NAA50: variants seen among roughly 807,000 people sequenced by gnomAD.
NAA50 encodes N-alpha-acetyltransferase 50.
A neutral mutation model predicts 20.7 loss-of-function variants in NAA50; 7 were observed. The observed-to-expected ratio is 0.34, with a 90% confidence interval of 0.19 to 0.63. NAA50 has a LOEUF of 0.63. NAA50 is among the 30% of genes least tolerant of loss of function. The pLI is 0.75. For synonymous variants in NAA50, 54 were observed against 70.6 expected (o/e 0.77, Z 1.18); for missense variants, 111 against 199.1 (o/e 0.56, Z 2.66).
intron 1 of NAA50, among the ~76,000 whole-genome samples, chr3:113,733,309 G>A (rs114616058): frequency 6.6e-6 from 1 of 150,492 alleles, no homozygotes; most frequent in Non-Finnish European, 1.5e-5. Context: ...TAGCATCTTT[G>A]CAATTTTTCT....
In NAA50 at chr3:113,720,848, A is replaced by G. The variant is rs1337200549; in HGVS notation, c.*912T>C. On this transcript the variant is annotated 3_prime_UTR_variant, in exon 5 of 5. Coordinates refer to ENST00000240922, the MANE Select transcript of NAA50 (RefSeq NM_025146.4). ...ATGTCCAAGAGAAAACACCTGCTTCAGGTTTATTTAGGGGTAGTGACCTAT... is the reference window on the plus strand; with the variant it reads ...ATGTCCAAGAGAAAACACCTGCTTCGGGTTTATTTAGGGGTAGTGACCTAT... The G allele has an allele frequency of 6.6e-6, 1 of 152,474 alleles. No homozygotes were observed. The highest frequency in any genetic ancestry group is 1.5e-5 in the Non-Finnish European group (1 of 68,018). The allele number at this position is 152,474 out of a possible 1,614,324, so 9.4% of individuals were successfully genotyped here.
Position 113,718,765 on chromosome 3 carries a change from C to G in NAA50, c.*2995G>C, listed in dbSNP as rs1378180. The G allele has an allele frequency of 6.6e-6, 1 of 152,224 alleles. No individual in the cohort carries two copies. The highest frequency in any genetic ancestry group is 1.5e-5 in the Non-Finnish European group (1 of 68,022). 9.4% of individuals were successfully genotyped at this position (152,224 alleles called of 1,614,324 possible). On this transcript the variant is annotated 3_prime_UTR_variant, in exon 5 of 5. Transcript: ENST00000240922. ...GTTCCTTGGATCTTACTTTTTCCCT[C>G]TCATTGGAACTGAATTGTAGATATT... is the stretch of plus-strand genomic sequence containing the variant.
At chr3:113,728,976 T>C (rs1483412955) in intron 1 of NAA50, among the ~76,000 whole-genome samples, 1 of 152,022 alleles carries the variant, frequency 6.6e-6, no homozygotes, top group African/African-American at 2.4e-5. Flanking sequence ...CTTGATACAC[T>C]TTTTTCCTTT....
At position 113,735,405 on chromosome 3, in the gene NAA50, T is replaced by G. The variant is rs558930221; in HGVS notation, c.8+10537A>C. Among the ~76,000 whole-genome samples the G allele has an allele frequency of 7.2e-5, 11 of 152,320 alleles. No individual in the cohort carries two copies. The East Asian group carries it at 2.1e-3, about 29-fold the overall frequency. ...ATTTAACACCCATCTAAATTAAATT[T>G]CCCACGGCATGTGCGTAAATTCCTA... On this transcript the variant is annotated intron_variant, in intron 1 of 4. Coordinates refer to ENST00000240922, the MANE Select transcript of NAA50 (RefSeq NM_025146.4).
At chr3:113,727,034 C>T (rs915851262) in intron 1 of NAA50, among the ~76,000 whole-genome samples, 6 of 152,166 alleles carry the variant, frequency 3.9e-5, no homozygotes, top group Admixed American at 6.5e-5. Context: ...TCAAGTGATC[C>T]GCCCACCTTG....
Position 113,717,629 on chromosome 3 carries a change from T to C in NAA50, c.*4131A>G, listed in dbSNP as rs1276507104. 6.6e-6 allele frequency: 1 copy of C among 152,194 alleles called. No homozygotes were observed. Among genetic ancestry groups the C allele is most frequent in the Non-Finnish European group, 1.5e-5 (1 of 68,030 alleles). 9.4% of individuals were successfully genotyped at this position (152,194 alleles called of 1,614,324 possible). ...ATATTTACTCCCTGAAAAACTTCTATAGGCTTACTGTTCCTATTTGTGACT... is the reference window on the plus strand; with the variant it reads ...ATATTTACTCCCTGAAAAACTTCTACAGGCTTACTGTTCCTATTTGTGACT... On this transcript the variant is annotated 3_prime_UTR_variant, in exon 5 of 5. Coordinates refer to ENST00000240922, the MANE Select transcript of NAA50 (RefSeq NM_025146.4).
In NAA50 at chr3:113,741,896, T is replaced by C. The variant is rs561361481; in HGVS notation, c.8+4046A>G. On this transcript the variant is annotated intron_variant, in intron 1 of 4. Coordinates refer to ENST00000240922, the MANE Select transcript of NAA50 (RefSeq NM_025146.4). The stretch of plus-strand genomic sequence containing the variant: ...ATTACACGATGATTCTATTTACAGA[T>C]AGATGCAAACACTTGATCTTATGCT... Among the ~76,000 whole-genome samples, 4 of 152,348 alleles carry C rather than the reference T, an allele frequency of 2.6e-5. No individual in the cohort carries two copies. The South Asian group carries it at 8.3e-4, about 32-fold the overall frequency.
chr3:113,740,274 G>A (rs1388957287), intron 1 of NAA50, among the ~76,000 whole-genome samples: 1 of 152,020 alleles, frequency 6.6e-6, no homozygotes, highest in Non-Finnish European at 1.5e-5. Flanking sequence ...ATTTTCCTTA[G>A]AAATATTTGA....
rs1005226444 is a variant in NAA50 at position 113,741,837 on chromosome 3, A to T, written c.8+4105T>A. Among the ~76,000 whole-genome samples, 3 of 152,366 alleles carry T rather than the reference A, an allele frequency of 2.0e-5. 1 individual carries two copies. The South Asian group carries it at 6.2e-4, about 32-fold the overall frequency. On this transcript the variant is annotated intron_variant, in intron 1 of 4. Transcript: ENST00000240922. ...GCAACACAACATGAGTCAACAATGCACACAACTGTATAGGCAGCAGACATA... is the reference window on the plus strand; with the variant it reads ...GCAACACAACATGAGTCAACAATGCTCACAACTGTATAGGCAGCAGACATA...
At chr3:113,744,443 AAC>A (rs1171825120) in intron 1 of NAA50, among the ~76,000 whole-genome samples, 2 of 151,976 alleles carry the variant, frequency 1.3e-5, no homozygotes, top group African/African-American at 2.4e-5. Context: ...CAGCCTGGGC[AAC>A]AGAGCCAGAC....
In NAA50 at chr3:113,741,107, G is replaced by C. The variant is rs900768814; in HGVS notation, c.8+4835C>G. 4.2e-5 allele frequency: 23 copies of C among 546,882 alleles called. No individual in the cohort carries two copies. The Admixed American group carries it at 4.8e-4, about 11-fold the overall frequency. 33.9% of individuals were successfully genotyped at this position (546,882 alleles called of 1,614,324 possible). On this transcript the variant is annotated intron_variant, in intron 1 of 4. Coordinates refer to ENST00000240922, the MANE Select transcript of NAA50 (RefSeq NM_025146.4). ...ATTAATTGTTTTCAGAAAGTTATGT[G>C]GATGACTATACTTGAATGAAGGATA...
At chr3:113,723,061 G>A in intron 3 of NAA50, 89 bp from the exon 4 acceptor site, 2 of 1,405,638 alleles carry the variant, frequency 1.4e-6, no homozygotes, top group Non-Finnish European at 1.9e-6. Flanking sequence ...ACTACTTATT[G>A]AGTCCTAAAA....
At chr3:113,723,622 T>A in intron 2 of NAA50, 81 bp from the exon 3 acceptor site, 1 of 1,375,946 alleles carries the variant, frequency 7.3e-7, no homozygotes, top group African/African-American at 1.4e-5. Context: ...AGGACTACAC[T>A]GTTCCTATCA....
chr3:113,746,204 C>A lies in NAA50; in HGVS notation c.-255G>T. On this transcript the variant is annotated 5_prime_UTR_variant, in exon 1 of 5. Transcript: ENST00000240922. Reference sequence around the variant, plus strand: ...GTGCACTCGGGTCTCTCGGCTCCCTCCCGCCGCTGCCGCCAGCCAGACCCG... The same window carrying A: ...GTGCACTCGGGTCTCTCGGCTCCCTACCGCCGCTGCCGCCAGCCAGACCCG... 1 of 504,426 alleles carries A rather than the reference C, an allele frequency of 2.0e-6. No individual in the cohort carries two copies. Among genetic ancestry groups the A allele is most frequent in the Non-Finnish European group, 3.5e-6 (1 of 287,562 alleles). 31.2% of individuals were successfully genotyped at this position (504,426 alleles called of 1,614,324 possible).
At chr3:113,740,367 G>GT (rs139037753) in intron 1 of NAA50, among the ~76,000 whole-genome samples, 4 of 152,116 alleles carry the variant, frequency 2.6e-5, no homozygotes, top group Non-Finnish European at 4.4e-5. Flanking sequence ...ATAACTGTGA[G>GT]TTTTTTCTTT....
chr3:113,722,829 A>C (rs918862533), intron 4 of NAA50, 77 bp downstream of exon 4: 2 of 1,435,658 alleles, frequency 1.4e-6, no homozygotes, highest in African/African-American at 2.9e-5. Flanking sequence ...AAGTGACCAG[A>C]TTTTAAAGTT....
intron 1 of NAA50, among the ~76,000 whole-genome samples, chr3:113,734,577 G>A: frequency 6.6e-6 from 1 of 152,190 alleles, no homozygotes; most frequent in Non-Finnish European, 1.5e-5. Flanking sequence ...ACTCAAAGTA[G>A]AAAGTAAATG....
intron 1 of NAA50, among the ~76,000 whole-genome samples, chr3:113,725,819 T>G (rs931856914): frequency 7.8e-6 from 1 of 128,052 alleles, no homozygotes; most frequent in African/African-American, 3.1e-5. Context: ...TAAATTTGAT[T>G]TATCTGGAGA....
At chr3:113,727,506 A>G (rs1392897033) in intron 1 of NAA50, among the ~76,000 whole-genome samples, 1 of 152,226 alleles carries the variant, frequency 6.6e-6, no homozygotes, top group Non-Finnish European at 1.5e-5. Context: ...GAGTCTAATA[A>G]AAGTTAACTA....
Sources: gnomAD v4.1 joint callset for allele counts (sites outside exome capture counted in the v4.1 genomes callset) on GRCh38, gnomAD v4.1.1 for gene constraint, MANE v1.5 for transcripts, NCBI Gene and HGNC (gene_info 2026-07-23, HGNC 2026-07-21) for gene names.